The following ZBTB20 variants were observed in gnomAD, a reference collection of about 807,000 sequenced individuals.
ZBTB20 encodes zinc finger and BTB domain containing 20, also known as zinc finger and BTB domain-containing protein 20.
Under a neutral mutation model 56.9 loss-of-function variants are expected in ZBTB20, and 9 were observed. The ratio of observed to expected loss-of-function variants is 0.16; its 90% CI spans 0.10 to 0.28. The LOEUF (loss-of-function observed/expected upper bound fraction) is 0.28, where lower values mean the gene tolerates loss of function less well. ZBTB20 is among the 10% of genes least tolerant of loss of function. The pLI is 1.00. For missense variants in ZBTB20, 655 were observed against 1,003.0 expected, an observed-to-expected ratio of 0.65 and a Z score of 4.69; for synonymous variants, 417 against 420.7, an observed-to-expected ratio of 0.99 and a Z score of 0.11.
chr3:114,997,065 G>C (rs1439265855), intron 2 of ZBTB20, among the ~76,000 whole-genome samples: 2 of 151,920 alleles, frequency 1.3e-5, no homozygotes, highest in East Asian at 3.9e-4. Context: ...CATTGTGGAA[G>C]ACAGTGTGGC....
At chr3:114,703,076 C>G (rs1259406978) in intron 5 of ZBTB20, among the ~76,000 whole-genome samples, 3 of 151,902 alleles carry the variant, frequency 2.0e-5, no homozygotes, top group African/African-American at 7.3e-5. Flanking sequence ...ATTTTAAAAT[C>G]ATAATTTGGT....
chr3:115,057,100 A>G lies in ZBTB20; in HGVS notation c.-507+14119T>C, dbSNP rs949821232. Among the ~76,000 whole-genome samples, 5 of 152,084 alleles carry G rather than the reference A, an allele frequency of 3.3e-5. No individual in the cohort carries two copies. The South Asian group carries it at 8.3e-4, about 25-fold the overall frequency. On this transcript the variant is annotated intron_variant, in intron 2 of 11. Coordinates refer to ENST00000675478, the MANE Select transcript of ZBTB20 (RefSeq NM_001348800.3). ...GAGTCAAAACAGTTAACCCCTTTTC[A>G]TTATCCTTCTGTCTTCTCTAACACC...
At chr3:114,505,304 A>G (rs2044474049) in intron 6 of ZBTB20, among the ~76,000 whole-genome samples, 1 of 152,194 alleles carries the variant, frequency 6.6e-6, no homozygotes, top group African/African-American at 2.4e-5. Flanking sequence ...AGAAAACAAT[A>G]ATAGTGCAAT....
intron 6 of ZBTB20, among the ~76,000 whole-genome samples, chr3:114,604,173 A>G (rs1384936453): frequency 2.0e-5 from 3 of 152,098 alleles, no homozygotes. Context: ...ATGCATTTAT[A>G]TAATGGAATA....
chr3:114,880,364 CTT>C (rs2076354632), intron 4 of ZBTB20, among the ~76,000 whole-genome samples: 1 of 152,150 alleles, frequency 6.6e-6, no homozygotes, highest in African/African-American at 2.4e-5. Flanking sequence ...TGCTTGACCT[CTT>C]CCCACCTCTT....
rs189083817 is a variant in ZBTB20, at chr3:114,594,292, G to C, written c.-294-93901C>G. 3.5e-3 allele frequency among the ~76,000 whole-genome samples: 469 copies of C among 135,326 alleles called. 14 individuals carry two copies. In the South Asian group the frequency reaches 0.07, roughly 20 times the overall value. 88.8% of individuals were successfully genotyped at this position (135,326 alleles called of 152,430 possible). A position where few individuals can be genotyped will look rare whatever the true frequency, so the allele number is the denominator to read the frequency against. On this transcript the variant is annotated intron_variant, in intron 6 of 11. Coordinates refer to ENST00000675478, the MANE Select transcript of ZBTB20 (RefSeq NM_001348800.3). The stretch of plus-strand genomic sequence containing the variant: ...TTTTTTTTTTTTTTTTTTTGAGATA[G>C]AGTCTTGCTCTGTCACCAGGCTGGA...
At chr3:114,717,245 T>G (rs530549844) in intron 5 of ZBTB20, among the ~76,000 whole-genome samples, 5 of 152,308 alleles carry the variant, frequency 3.3e-5, no homozygotes, top group African/African-American at 1.2e-4. Flanking sequence ...ATAAACTAAT[T>G]TCTACTAGAG....
chr3:115,101,159 A>G (rs9289008), intron 1 of ZBTB20, among the ~76,000 whole-genome samples: 64,553 of 152,072 alleles, frequency 0.42, 16,123 homozygotes, highest in African/African-American at 0.67. Context: ...GTGGTACAAC[A>G]ACAGAAATAA....
intron 1 of ZBTB20, among the ~76,000 whole-genome samples, chr3:115,084,058 T>A (rs1054873683): frequency 6.6e-6 from 1 of 151,898 alleles, no homozygotes; most frequent in African/African-American, 2.4e-5. Context: ...AAAGTTTTTT[T>A]AATAAAGGAT....
rs757911315 is a variant in ZBTB20 at position 114,938,446 on chromosome 3, G to A, written c.-456+35920C>T. ...CTTTAATGCCCATCAATGATAGACT[G>A]GATAAAGAAAATGTGCCACATATAC... On this transcript the variant is annotated intron_variant, in intron 3 of 11. Coordinates refer to ENST00000675478, the MANE Select transcript of ZBTB20 (RefSeq NM_001348800.3). Among the ~76,000 whole-genome samples, 4 of 146,152 alleles carry A rather than the reference G, an allele frequency of 2.7e-5. 1 individual carries two copies. The highest frequency in any genetic ancestry group is 8.4e-5 in the African/African-American group (3 of 35,822).
In ZBTB20 at chr3:114,350,515, G is replaced by A. The variant is rs201414136; in HGVS notation, c.1563C>T (p.Pro521=). ...LFTTQPAGSG[P]KPFLFSLPQP... ...GTGGCAGGCTGAAGAGGAAAGGCTT[G>A]GGGCCACTGCCCGCGGGCTGGGTAG... The change falls in exon 11 of 12, where the codon CCC becomes CCT. Residue 521 remains proline, a synonymous_variant. Coordinates refer to ENST00000675478, the MANE Select transcript of ZBTB20 (RefSeq NM_001348800.3). 1 of 1,614,104 alleles carries A rather than the reference G, an allele frequency of 6.2e-7. No individual in the cohort carries two copies. Among genetic ancestry groups the A allele is most frequent in the Admixed American group, 1.7e-5 (1 of 60,032 alleles).
At chr3:115,077,097 T>C (rs1474814638) in intron 1 of ZBTB20, among the ~76,000 whole-genome samples, 1 of 152,068 alleles carries the variant, frequency 6.6e-6, no homozygotes, top group Non-Finnish European at 1.5e-5. Flanking sequence ...GTCTGCAGCC[T>C]GGGGCGTGGC....
intron 2 of ZBTB20, among the ~76,000 whole-genome samples, chr3:114,977,322 A>G (rs1055655491): frequency 1.3e-5 from 2 of 152,238 alleles, no homozygotes; most frequent in East Asian, 3.8e-4. Flanking sequence ...GATGCTTTAA[A>G]GCTAGCTCAA....
At chr3:114,823,536 C>A (rs541936392) in intron 4 of ZBTB20, among the ~76,000 whole-genome samples, 2 of 152,110 alleles carry the variant, frequency 1.3e-5, no homozygotes, top group Non-Finnish European at 2.9e-5. Context: ...CTATCCATAT[C>A]ACTAGAAGAA....
chr3:114,854,782 A>G (rs2075163975), intron 4 of ZBTB20, among the ~76,000 whole-genome samples: 1 of 152,158 alleles, frequency 6.6e-6, no homozygotes, highest in Non-Finnish European at 1.5e-5. Context: ...TGTGTTTTTA[A>G]TTGAAGCTTT....
intron 3 of ZBTB20, chr3:114,931,099 C>T (rs1173057802): frequency 1.8e-5 from 3 of 169,824 alleles, no homozygotes; most frequent in Non-Finnish European, 2.7e-5. Flanking sequence ...AGAGACCCTA[C>T]GGAAATTGAC....
At chr3:114,523,719 T>C (rs1284211357) in intron 6 of ZBTB20, among the ~76,000 whole-genome samples, 2 of 152,050 alleles carry the variant, frequency 1.3e-5, no homozygotes, top group African/African-American at 4.8e-5. Flanking sequence ...ACAGCAAGTA[T>C]TTGTGAAGTT....
At chr3:114,944,424 A>G (rs1212472878) in intron 3 of ZBTB20, among the ~76,000 whole-genome samples, 1 of 145,558 alleles carries the variant, frequency 6.9e-6, no homozygotes, top group Non-Finnish European at 1.5e-5. Context: ...CAATATGAAG[A>G]TTCTTCAAAA....
chr3:114,406,164 G>A (rs1022030507), intron 7 of ZBTB20, among the ~76,000 whole-genome samples: 3 of 152,072 alleles, frequency 2.0e-5, no homozygotes, highest in Non-Finnish European at 4.4e-5. Context: ...GACCAAATAC[G>A]TCCAAAAGCA....
Sources: gnomAD v4.1 joint callset for allele counts (sites outside exome capture counted in the v4.1 genomes callset) on GRCh38, gnomAD v4.1.1 for gene constraint, MANE v1.5 for transcripts, NCBI Gene and HGNC (gene_info 2026-07-23, HGNC 2026-07-21) for gene names.